The following ZNF730 variants were observed in gnomAD, a reference collection of about 807,000 sequenced individuals.
ZNF730 encodes putative zinc finger protein 730.
A neutral mutation model predicts 12.6 loss-of-function variants in ZNF730; 12 were observed. The observed-to-expected ratio is 0.95, with a 90% confidence interval of 0.61 to 1.54. The LOEUF (loss-of-function observed/expected upper bound fraction) is 1.54, where lower values mean the gene tolerates loss of function less well. Among genes scored for constraint, ZNF730 ranks in the 40% most tolerant of loss-of-function variants. The probability of loss-of-function intolerance (pLI) is 0.00; values close to 1 mark genes in which losing one functional copy is unlikely to be tolerated. For synonymous variants in ZNF730, 194 were observed against 195.8 expected (o/e 0.99, Z 0.08); for missense variants, 643 against 583.5 (o/e 1.10, Z -1.05).
In ZNF730 at chr19:23,128,715, C is replaced by G. The variant is rs567380467; in HGVS notation, c.4-5365C>G. 2.6e-5 allele frequency among the ~76,000 whole-genome samples: 4 copies of G among 152,348 alleles called. No individual in the cohort carries two copies. The South Asian group carries it at 6.2e-4, about 24-fold the overall frequency. On this transcript the variant is annotated intron_variant, in intron 1 of 3. Transcript: ENST00000597761. ...AGAGCATAAAAGTTTGGAAAATTTG[C>G]AGCCTGACAATGCAATAGAATAGAA... is the stretch of plus-strand genomic sequence containing the variant.
At chr19:23,084,899 T>G (rs1970031899) in intron 1 of ZNF730, among the ~76,000 whole-genome samples, 1 of 152,230 alleles carries the variant, frequency 6.6e-6, no homozygotes, top group Admixed American at 6.5e-5. Context: ...GTCTTTGCTA[T>G]GGTGAATAGT....
At position 23,126,560 on chromosome 19, in the gene ZNF730, G is replaced by A. The variant is rs569988269; in HGVS notation, c.4-7520G>A. 9.6e-6 allele frequency: 4 copies of A among 415,138 alleles called. No individual in the cohort carries two copies. In the East Asian group the frequency reaches 2.4e-4, roughly 25 times the overall value. 25.7% of individuals were successfully genotyped at this position (415,138 alleles called of 1,614,324 possible). On this transcript the variant is annotated intron_variant, in intron 1 of 3. Transcript: ENST00000597761. Reference sequence around the variant, plus strand: ...GGCAGCCCTTTTCAACAGGAAGGCAGAATGTGGCTTATGTGTCTCCGTTTA... The same window carrying A: ...GGCAGCCCTTTTCAACAGGAAGGCAAAATGTGGCTTATGTGTCTCCGTTTA...
chr19:23,122,416 T>C lies in ZNF730; in HGVS notation c.3+5240T>C, dbSNP rs559176215. Among the ~76,000 whole-genome samples the C allele has an allele frequency of 4.6e-5, 7 of 152,294 alleles. No homozygotes were observed. In the East Asian group the frequency reaches 1.3e-3, roughly 29 times the overall value. On this transcript the variant is annotated intron_variant, in intron 1 of 3. Coordinates refer to ENST00000597761, the MANE Select transcript of ZNF730 (RefSeq NM_001277403.2). ...CCTTGGCCTCCCAAAGTGCTGGGAT[T>C]ACAAGCGTGAGCCACCACATCGGGC...
At chr19:23,113,624 A>C (rs984575054), upstream of ZNF730, among the ~76,000 whole-genome samples, 1 of 152,174 alleles carries the variant, frequency 6.6e-6, no homozygotes, top group African/African-American at 2.4e-5. Flanking sequence ...TCAAACTGAA[A>C]ATTTAAGGAA....
chr19:23,102,477 CT>C (rs372653762), intron 1 of ZNF730, among the ~76,000 whole-genome samples: 6,788 of 143,824 alleles, frequency 0.047, 156 homozygotes, highest in East Asian at 0.12. Context: ...GATGTTGATC[CT>C]TTTTTTTTTT....
chr19:23,141,724 G>A (rs1452024691), intron 3 of ZNF730, among the ~76,000 whole-genome samples: 1 of 151,676 alleles, frequency 6.6e-6, no homozygotes, highest in Non-Finnish European at 1.5e-5. Flanking sequence ...TACAATTTTA[G>A]TTTTAAAAAA....
chr19:23,119,997 T>C (rs1485576688), intron 1 of ZNF730, among the ~76,000 whole-genome samples: 65 of 149,880 alleles, frequency 4.3e-4, no homozygotes, highest in African/African-American at 1.5e-3. Context: ...TCTTTCTTTT[T>C]TTTTTTTTTT....
intron 1 of ZNF730, among the ~76,000 whole-genome samples, chr19:23,083,498 G>A (rs1489073409): frequency 1.3e-5 from 2 of 151,938 alleles, no homozygotes; most frequent in African/African-American, 2.4e-5. Flanking sequence ...AATTATTCGA[G>A]GAACCTCCAT....
chr19:23,081,557 T>C (rs1242979010), intron 1 of ZNF730, among the ~76,000 whole-genome samples: 64 of 152,158 alleles, frequency 4.2e-4, no homozygotes, highest in South Asian at 6.2e-4. Context: ...TGACCCCAGG[T>C]GATCCACCCG....
intron 1 of ZNF730, chr19:23,127,345 A>G: frequency 2.9e-6 from 2 of 699,518 alleles, no homozygotes; most frequent in South Asian, 1.6e-5. Context: ...GTGCTGTCAC[A>G]TGACATAGGA....
intron 1 of ZNF730, among the ~76,000 whole-genome samples, chr19:23,093,381 C>T (rs1306627387): frequency 6.6e-6 from 1 of 152,224 alleles, no homozygotes; most frequent in Admixed American, 6.5e-5. Flanking sequence ...GACTCAGGGA[C>T]CATCCTGTGT....
intron 1 of ZNF730, among the ~76,000 whole-genome samples, chr19:23,087,020 A>G (rs1279476010): frequency 7.1e-6 from 1 of 141,044 alleles, no homozygotes; most frequent in Non-Finnish European, 1.5e-5. Context: ...TGTTAGCTGT[A>G]TTCCTAGGCA....
At chr19:23,122,281 C>G (rs1169720815) in intron 1 of ZNF730, among the ~76,000 whole-genome samples, 1 of 152,042 alleles carries the variant, frequency 6.6e-6, no homozygotes, top group East Asian at 1.9e-4. Context: ...GCTGGGATTA[C>G]AGGCTCCTGC....
intron 1 of ZNF730, among the ~76,000 whole-genome samples, chr19:23,102,665 T>G (rs1035714093): frequency 6.6e-6 from 1 of 151,794 alleles, no homozygotes; most frequent in African/African-American, 2.4e-5. Context: ...CCGGCTAATT[T>G]TTGTATTTTC....
chr19:23,097,127 TC>T (rs1970265068), intron 1 of ZNF730, among the ~76,000 whole-genome samples: 1 of 152,224 alleles, frequency 6.6e-6, no homozygotes, highest in African/African-American at 2.4e-5. Flanking sequence ...CTCCTGACTT[TC>T]TTCTCCTGCC....
chr19:23,138,542 TG>T (rs1256452172), intron 3 of ZNF730, among the ~76,000 whole-genome samples: 2 of 152,188 alleles, frequency 1.3e-5, no homozygotes, highest in Non-Finnish European at 2.9e-5. Flanking sequence ...GGAAGAGTTT[TG>T]GATGGTTTCA....
At chr19:23,106,403 A>G (rs897112385) in intron 1 of ZNF730, among the ~76,000 whole-genome samples, 1 of 152,204 alleles carries the variant, frequency 6.6e-6, no homozygotes, top group Non-Finnish European at 1.5e-5. Context: ...CAAAACAAAA[A>G]AAATACATTG....
Position 23,145,745 on chromosome 19 carries a change from G to A in ZNF730, c.701G>A (p.Gly234Asp), listed in dbSNP as rs778200661. The A allele has an allele frequency of 2.6e-6, 4 of 1,563,518 alleles. No individual in the cohort carries two copies. The highest frequency in any genetic ancestry group is 2.4e-5 in the East Asian group (1 of 42,142). The stretch of plus-strand genomic sequence containing the variant: ...AAACCTTACAAATGTAAAGAATGTG[G>A]CAAAGCCTTTAACTGGTTTTCACAT... ...EKKPYKCKEC[G>D]KAFNWFSHFT... is the part of the protein sequence containing the mutation. The change falls in exon 4 of 4, where the codon GGC (glycine) becomes GAC (aspartate). Residue 234 changes from glycine (G) to aspartate (D), a missense_variant. Coordinates refer to ENST00000597761, the MANE Select transcript of ZNF730 (RefSeq NM_001277403.2).
rs1970410280 is a variant in ZNF730 at position 23,107,529 on chromosome 19, A to T, written c.-93-26551A>T. Among the ~76,000 whole-genome samples, 2 of 145,496 alleles carry T rather than the reference A, an allele frequency of 1.4e-5. 1 individual carries two copies. The highest frequency in any genetic ancestry group is 5.1e-5 in the African/African-American group (2 of 39,140). ...TTTAAAGTAGAGACAGGGTCTCACC[A>T]TGTTGCCCAAGCTCGTCTTGAACTC... On this transcript the variant is annotated intron_variant, in intron 1 of 2. Coordinates refer to the ZNF730 transcript ENST00000593635.
Sources: gnomAD v4.1 joint callset for allele counts (sites outside exome capture counted in the v4.1 genomes callset) on GRCh38, gnomAD v4.1.1 for gene constraint, MANE v1.5 for transcripts, NCBI Gene and HGNC (gene_info 2026-07-23, HGNC 2026-07-21) for gene names.